RNF38: variants seen among roughly 807,000 people sequenced by gnomAD.
RNF38 encodes the protein ring finger protein 38.
In RNF38, 15 loss-of-function variants were observed where a neutral mutation model predicts 67.2. The observed-to-expected ratio is 0.22, with a 90% confidence interval of 0.15 to 0.34. RNF38 has a LOEUF of 0.34. RNF38 is among the 10% of genes least tolerant of loss of function. RNF38 has a pLI of 1.00. For missense variants in RNF38, 524 were observed against 639.9 expected, an observed-to-expected ratio of 0.82 and a Z score of 1.95; for synonymous variants, 220 against 218.8, an observed-to-expected ratio of 1.01 and a Z score of -0.05.
chr9:36,400,899 T>TCCCCGCCCCGCCGCG, upstream of RNF38: 2 of 825,114 alleles, frequency 2.4e-6, no homozygotes, highest in Non-Finnish European at 2.7e-6. Context: ...GCCACGCCCC[T>TCCCCGCCCCGCCGCG]CCCCGCCCCG....
At chr9:36,413,153 TG>T (rs952859107) in intron 2 of RNF38, among the ~76,000 whole-genome samples, 1 of 149,296 alleles carries the variant, frequency 6.7e-6, no homozygotes, top group African/African-American at 2.5e-5. Flanking sequence ...CATTTGAACC[TG>T]GGGGGGCAGA....
upstream of RNF38, chr9:36,400,424 G>A (rs1363190476): frequency 2.7e-6 from 3 of 1,108,864 alleles, no homozygotes; most frequent in Non-Finnish European, 2.2e-6. Flanking sequence ...CCTCGCCACC[G>A]CGGGAACAAA....
At chr9:36,387,876 AAAAAC>A (rs1836763192) in intron 2 of RNF38, among the ~76,000 whole-genome samples, 1 of 152,046 alleles carries the variant, frequency 6.6e-6, no homozygotes, top group South Asian at 2.1e-4. Context: ...ATTAAAAAAC[AAAAAC>A]AAAACAAAAC....
At chr9:36,389,525 A>C (rs916645205) in intron 2 of RNF38, among the ~76,000 whole-genome samples, 2 of 152,204 alleles carry the variant, frequency 1.3e-5, no homozygotes, top group African/African-American at 4.8e-5. Context: ...TCCACATCTT[A>C]AAAACTATCA....
intron 1 of RNF38, among the ~76,000 whole-genome samples, chr9:36,485,938 TA>T (rs2134470304): frequency 6.6e-6 from 1 of 152,210 alleles, no homozygotes; most frequent in Non-Finnish European, 1.5e-5. Context: ...TAGCTGTCCT[TA>T]CTAAAAGAAA....
Position 36,342,316 on chromosome 9 carries a change from T to C in RNF38, c.1485+9A>G. On this transcript the variant is annotated intron_variant, in intron 11 of 11. Coordinates refer to ENST00000259605, the MANE Select transcript of RNF38 (RefSeq NM_022781.5). Reference sequence around the variant, plus strand: ...AATGTCATTTCCTTTAAAGATGTCATCACTTTACCTTAAGCCATTTGTCAA... The same window carrying C: ...AATGTCATTTCCTTTAAAGATGTCACCACTTTACCTTAAGCCATTTGTCAA... 4 of 1,574,142 alleles carry C rather than the reference T, an allele frequency of 2.5e-6. No individual in the cohort carries two copies. Among genetic ancestry groups the C allele is most frequent in the Non-Finnish European group, 3.5e-6 (4 of 1,143,660 alleles).
At chr9:36,472,271 T>C (rs1840015661) in intron 1 of RNF38, among the ~76,000 whole-genome samples, 1 of 152,218 alleles carries the variant, frequency 6.6e-6, no homozygotes, top group African/African-American at 2.4e-5. Flanking sequence ...TCAGCTTTTA[T>C]CCTGCCTGTA....
At chr9:36,345,951 A>G (rs530373563) in intron 9 of RNF38, among the ~76,000 whole-genome samples, 11 of 152,204 alleles carry the variant, frequency 7.2e-5, no homozygotes, top group East Asian at 3.8e-4. Context: ...TACTTATACC[A>G]TAAGACCCAT....
At chr9:36,415,451 T>C (rs1272345069) in intron 2 of RNF38, among the ~76,000 whole-genome samples, 5 of 152,214 alleles carry the variant, frequency 3.3e-5, no homozygotes, top group East Asian at 1.9e-4. Flanking sequence ...TTTTTTCTAA[T>C]GTCAGAGGAA....
upstream of RNF38, chr9:36,400,291 C>A (rs1411253099): frequency 3.9e-6 from 5 of 1,295,712 alleles, no homozygotes; most frequent in Non-Finnish European, 3.9e-6. Flanking sequence ...CCCTTTCGAC[C>A]GGGTTCCGCG....
In RNF38 at chr9:36,341,521, T is replaced by C. The variant is rs143667713; in HGVS notation, c.1485+804A>G. 9.2e-5 allele frequency among the ~76,000 whole-genome samples: 14 copies of C among 152,320 alleles called. No homozygotes were observed. In the East Asian group the frequency reaches 9.6e-4, roughly 10 times the overall value. On this transcript the variant is annotated intron_variant, in intron 11 of 11. Transcript: ENST00000259605. Reference sequence around the variant, plus strand: ...ATTCTTTTACTGTATCACATTTTACTGTATCACAATTTGAGACTATGAAAC... The same window carrying C: ...ATTCTTTTACTGTATCACATTTTACCGTATCACAATTTGAGACTATGAAAC...
intron 2 of RNF38, among the ~76,000 whole-genome samples, chr9:36,411,248 AAAAATT>A (rs1442767904): frequency 6.6e-6 from 1 of 152,170 alleles, no homozygotes; most frequent in Non-Finnish European, 1.5e-5. Context: ...GTTACTATAA[AAAAATT>A]AAAAAGAAAA....
At chr9:36,434,784 C>T (rs777519380) in intron 1 of RNF38, among the ~76,000 whole-genome samples, 26 of 152,152 alleles carry the variant, frequency 1.7e-4, no homozygotes, top group Non-Finnish European at 3.1e-4. Context: ...TTATGCATCA[C>T]GGTTTATTGC....
At chr9:36,357,095 T>C (rs905046234) in intron 5 of RNF38, among the ~76,000 whole-genome samples, 3 of 152,312 alleles carry the variant, frequency 2.0e-5, no homozygotes, top group African/African-American at 4.8e-5. Context: ...TTTGAAGACA[T>C]TGTTGACCTT....
chr9:36,472,279 G>A (rs1410765908), intron 1 of RNF38, among the ~76,000 whole-genome samples: 3 of 152,162 alleles, frequency 2.0e-5, no homozygotes, highest in Non-Finnish European at 2.9e-5. Flanking sequence ...TATCCTGCCT[G>A]TATAGAATCA....
intron 1 of RNF38, among the ~76,000 whole-genome samples, chr9:36,451,053 A>C (rs1417156360): frequency 3.3e-5 from 5 of 152,224 alleles, no homozygotes; most frequent in African/African-American, 1.2e-4. Context: ...CTAGCAACCA[A>C]TGCAGTGCAA....
At chr9:36,472,871 C>A (rs989817003) in intron 1 of RNF38, among the ~76,000 whole-genome samples, 5 of 151,542 alleles carry the variant, frequency 3.3e-5, no homozygotes, top group African/African-American at 1.2e-4. Context: ...TCTGAGAGAC[C>A]GAGGTGGGTG....
intron 1 of RNF38, among the ~76,000 whole-genome samples, chr9:36,393,501 G>GTGTGTC (rs1243000304): frequency 6.7e-6 from 1 of 148,666 alleles, no homozygotes; most frequent in Non-Finnish European, 1.5e-5. Context: ...GTGTGTGTGT[G>GTGTGTC]TGTGTGTGTG....
intron 2 of RNF38, among the ~76,000 whole-genome samples, chr9:36,419,687 G>A (rs1270717896): frequency 6.6e-6 from 1 of 152,154 alleles, no homozygotes; most frequent in Admixed American, 6.5e-5. Context: ...GACTACAGGT[G>A]GCACGGCATC....
Sources: allele counts gnomAD v4.1 joint callset (sites outside exome capture counted in the v4.1 genomes callset), GRCh38; gene constraint gnomAD v4.1.1; transcripts MANE v1.5; gene names NCBI Gene and HGNC (gene_info 2026-07-23, HGNC 2026-07-21).